ST14: variants seen among roughly 807,000 people sequenced by gnomAD.
ST14 encodes the protein suppressor of tumorigenicity 14 protein.
A neutral mutation model predicts 96.5 loss-of-function variants in ST14; 40 were observed. The ratio of observed to expected loss-of-function variants is 0.41; its 90% confidence interval spans 0.32 to 0.54. The LOEUF (loss-of-function observed/expected upper bound fraction) is 0.54. Among genes scored for constraint, ST14 ranks in the 20% least tolerant of loss-of-function variants. ST14 has a pLI of 0.17. For missense variants in ST14, 1,066 were observed against 1,188.9 expected (o/e 0.90, Z 1.52); for synonymous variants, 506 against 492.1 (o/e 1.03, Z -0.37).
chr11:130,200,221 C>G (rs563193314), intron 16 of ST14, 84 bp downstream of exon 16: 1 of 1,533,840 alleles, frequency 6.5e-7, no homozygotes, highest in South Asian at 1.2e-5. Context: ...GGCACCGAGG[C>G]AGGGCACTGG....
At chr11:130,165,667 G>T (rs1953035431) in intron 1 of ST14, among the ~76,000 whole-genome samples, 1 of 152,182 alleles carries the variant, frequency 6.6e-6, no homozygotes, top group African/African-American at 2.4e-5. Context: ...GATGATGGTG[G>T]TGGCGATGTT....
chr11:130,168,236 C>T (rs1404385068), intron 1 of ST14, among the ~76,000 whole-genome samples: 1 of 152,206 alleles, frequency 6.6e-6, no homozygotes, highest in South Asian at 2.1e-4. Context: ...AATTGGCAAG[C>T]AGACCCTGTG....
intron 4 of ST14, 114 bp downstream of exon 4, chr11:130,189,053 G>A: frequency 8.5e-7 from 1 of 1,170,654 alleles, no homozygotes; most frequent in Admixed American, 2.0e-5. Flanking sequence ...CTGGCCTGGA[G>A]AGCCAAGGAG....
rs747522519 is a variant in ST14, at chr11:130,208,378, C to T, written c.1995-32C>T. ...AGGCCGTGTGCACAGACCCGAGTGA[C>T]CGCGCAGTCTCATAGCGGCTCTCCC... On this transcript the variant is annotated intron_variant, in intron 16 of 18. Coordinates refer to ENST00000278742, the MANE Select transcript of ST14 (RefSeq NM_021978.4). The T allele has an allele frequency of 4.6e-5, 74 of 1,613,580 alleles. 3 individuals carry two copies. The South Asian group carries it at 6.3e-4, about 14-fold the overall frequency.
Position 130,189,805 on chromosome 11 carries a change from C to T in ST14, c.507C>T (p.Ala169=), listed in dbSNP as rs776413794. The part of the protein sequence containing the change: ...FSIPQHLVEE[A]ERVMAEERVV... ...TCCCGCAGCACCTGGTGGAGGAGGC[C>T]GAGCGCGTCATGGCCGAGGAGCGCG... Residue 169 remains alanine (A), a synonymous_variant, in exon 5 of 19, where the codon GCC becomes GCT. Coordinates refer to ENST00000278742, the MANE Select transcript of ST14 (RefSeq NM_021978.4). 2.4e-5 allele frequency: 38 copies of T among 1,613,750 alleles called. No individual in the cohort carries two copies. In the East Asian group the frequency reaches 6.0e-4, roughly 26 times the overall value.
intron 1 of ST14, among the ~76,000 whole-genome samples, chr11:130,170,352 C>G (rs958500924): frequency 6.6e-6 from 1 of 152,026 alleles, no homozygotes; most frequent in African/African-American, 2.4e-5. Context: ...AGAAGACCTT[C>G]CATCAACCCA....
At chr11:130,184,727 T>G (rs73034642) in intron 1 of ST14, among the ~76,000 whole-genome samples, 1 of 152,180 alleles carries the variant, frequency 6.6e-6, no homozygotes, top group East Asian at 1.9e-4. Flanking sequence ...GGAAAAATAG[T>G]CTGGAGAGAT....
intron 16 of ST14, among the ~76,000 whole-genome samples, chr11:130,201,770 GC>G (rs1292622468): frequency 2.6e-5 from 4 of 152,242 alleles, no homozygotes. Flanking sequence ...TAGAGACAGA[GC>G]CTTGCTAAGT....
chr11:130,166,246 G>A (rs919914800), intron 1 of ST14, among the ~76,000 whole-genome samples: 9 of 152,104 alleles, frequency 5.9e-5, no homozygotes, highest in African/African-American at 1.7e-4. Flanking sequence ...CACTTTTCAC[G>A]CCTCTTTCCC....
intron 1 of ST14, among the ~76,000 whole-genome samples, chr11:130,164,619 A>G (rs959362369): frequency 2.0e-5 from 3 of 151,808 alleles, no homozygotes; most frequent in African/African-American, 7.3e-5. Context: ...GGGTCTTGCT[A>G]TGTTGCCCAA....
At chr11:130,204,885 C>T (rs540823005) in intron 16 of ST14, among the ~76,000 whole-genome samples, 10 of 152,066 alleles carry the variant, frequency 6.6e-5, no homozygotes, top group South Asian at 4.2e-4. Context: ...GGTGGGCACG[C>T]GAGTGATGTG....
At position 130,196,465 on chromosome 11, in the gene ST14, A is replaced by AGAAG; in HGVS notation, c.1223+17_1223+18insGAAG. 2.5e-6 allele frequency: 4 copies of AGAAG among 1,600,784 alleles called. No homozygotes were observed. Among genetic ancestry groups the AGAAG allele is most frequent in the Non-Finnish European group, 3.4e-6 (4 of 1,172,854 alleles). On this transcript the variant is annotated intron_variant, in intron 10 of 18. Transcript: ENST00000278742. Reference sequence around the variant, plus strand: ...CGGGGAGAAGTGAGTCCCCGGGGGTATGGGGGCTGCCGGGCCCATGCTGCA... The same window carrying AGAAG: ...CGGGGAGAAGTGAGTCCCCGGGGGTAGAAGTGGGGGCTGCCGGGCCCATGCTGCA...
chr11:130,173,394 C>T (rs1212304463), intron 1 of ST14, among the ~76,000 whole-genome samples: 1 of 152,060 alleles, frequency 6.6e-6, no homozygotes, highest in African/African-American at 2.4e-5. Context: ...GGTCAGGAGT[C>T]GAGACCAGCC....
At chr11:130,182,825 G>A (rs7479558) in intron 1 of ST14, among the ~76,000 whole-genome samples, 106,234 of 150,816 alleles carry the variant, frequency 0.7, 37,520 homozygotes, top group South Asian at 0.8. Flanking sequence ...AATTTTTTAT[G>A]TTTTTTGTAG....
rs145994893 is a variant in ST14, at chr11:130,172,170, A to T, written c.81+12110A>T. Among the ~76,000 whole-genome samples, 101 of 151,738 alleles carry T rather than the reference A, an allele frequency of 6.7e-4. 2 individuals are homozygous for T. In the East Asian group the frequency reaches 0.018, roughly 26 times the overall value. On this transcript the variant is annotated intron_variant, in intron 1 of 18. Transcript: ENST00000278742. Reference sequence around the variant, plus strand: ...CGCTCTGTTGCCCAAGCTGGAGTGCAGTGGCGTGATCACAGCTCACTGCAG... The same window carrying T: ...CGCTCTGTTGCCCAAGCTGGAGTGCTGTGGCGTGATCACAGCTCACTGCAG...
intron 1 of ST14, among the ~76,000 whole-genome samples, chr11:130,161,135 A>T (rs1333862409): frequency 6.6e-6 from 1 of 152,106 alleles, no homozygotes; most frequent in Non-Finnish European, 1.5e-5. Flanking sequence ...GCTTGCAGAA[A>T]ATCAGACGCT....
At chr11:130,208,771 CG>C in intron 17 of ST14, 87 bp downstream of exon 17, 2 of 1,468,832 alleles carry the variant, frequency 1.4e-6, no homozygotes, top group Non-Finnish European at 1.8e-6. Context: ...GGTCTCGGGG[CG>C]GGGGGCTGCT....
At position 130,198,951 on chromosome 11, in the gene ST14, C is replaced by A. The variant is rs780755739; in HGVS notation, c.1689C>A (p.Asn563Lys). 1 of 1,614,002 alleles carries A rather than the reference C, an allele frequency of 6.2e-7. No individual in the cohort carries two copies. Among genetic ancestry groups the A allele is most frequent in the South Asian group, 1.1e-5 (1 of 91,064 alleles). The change falls in exon 15 of 19, where the codon AAC becomes AAA. Residue 563 changes from asparagine to lysine, a missense_variant. By Grantham distance (94) the Asn-to-Lys change is moderately conservative. Coordinates refer to ENST00000278742, the MANE Select transcript of ST14 (RefSeq NM_021978.4). ...CTTGTCCTCCTCCTTGAACAGTGAACGTCGTCACTTGTACCAAACACACCT... is the reference window on the plus strand; with the variant it reads ...CTTGTCCTCCTCCTTGAACAGTGAAAGTCGTCACTTGTACCAAACACACCT... Reference protein sequence around the residue: ...GSDEASCPKVNVVTCTKHTYR... With the variant: ...GSDEASCPKVKVVTCTKHTYR...
At chr11:130,160,452 C>T (rs1952990808) in intron 1 of ST14, among the ~76,000 whole-genome samples, 2 of 152,206 alleles carry the variant, frequency 1.3e-5, no homozygotes, top group African/African-American at 4.8e-5. Context: ...TTTGGAGTCT[C>T]AGCCATCCTT....
Sources: allele counts gnomAD v4.1 joint callset (sites outside exome capture counted in the v4.1 genomes callset), GRCh38; gene constraint gnomAD v4.1.1; transcripts MANE v1.5; gene names NCBI Gene and HGNC (gene_info 2026-07-23, HGNC 2026-07-21).